The following SEL1L2 variants were observed in gnomAD, a reference collection of about 807,000 sequenced individuals.
SEL1L2 encodes SEL1L2 adaptor subunit of SYVN1 ubiquitin ligase, also known as protein sel-1 homolog 2.
In SEL1L2, 89 loss-of-function variants were observed where a neutral mutation model predicts 98.8. The ratio of observed to expected loss-of-function variants is 0.90; its 90% CI spans 0.76 to 1.07. The LOEUF (loss-of-function observed/expected upper bound fraction) is 1.07, where lower values mean the gene tolerates loss of function less well. Ranked by LOEUF, SEL1L2 falls within the 50% of genes least tolerant of loss-of-function variation. SEL1L2 has a pLI of 0.00. For missense variants in SEL1L2, 788 were observed against 812.0 expected (o/e 0.97, Z 0.36); for synonymous variants, 262 against 278.5 (o/e 0.94, Z 0.59).
rs750560742 is a variant in SEL1L2, at chr20:13,931,655, T to C, written c.231A>G (p.Ile77Met). 5 of 1,504,900 alleles carry C rather than the reference T, an allele frequency of 3.3e-6. No homozygotes were observed. In the African/African-American group the frequency reaches 7.0e-5, roughly 21 times the overall value. 93.2% of individuals were successfully genotyped at this position (1,504,900 alleles called of 1,614,324 possible). ...LLEKKKNQRK[I>M]RIKGIQNKDI... The stretch of plus-strand genomic sequence containing the variant: ...CTTTATTTTGAATTCCTTTTATTCT[T>C]ATTTTACGTTGATTCTTCTTTTTCT... The change falls in exon 3 of 20, where the codon ATA becomes ATG. Residue 77 changes from isoleucine to methionine, a missense_variant. By Grantham distance (10) the Ile-to-Met change is conservative. Transcript: ENST00000284951.
At chr20:13,968,602 A>G (rs1245075361) in intron 1 of SEL1L2, among the ~76,000 whole-genome samples, 1 of 152,196 alleles carries the variant, frequency 6.6e-6, no homozygotes, top group Non-Finnish European at 1.5e-5. Context: ...ATTGCTTCAG[A>G]AAAAAATAAT....
At chr20:13,850,634 C>G (rs1181233539) in intron 18 of SEL1L2, among the ~76,000 whole-genome samples, 1 of 152,154 alleles carries the variant, frequency 6.6e-6, no homozygotes, top group Admixed American at 6.6e-5. Flanking sequence ...AAACAAGAAC[C>G]TTGGTCCTAC....
chr20:13,974,146 G>T (rs2051415411), intron 1 of SEL1L2, among the ~76,000 whole-genome samples: 2 of 152,142 alleles, frequency 1.3e-5, no homozygotes, highest in Non-Finnish European at 2.9e-5. Flanking sequence ...TTGATGTTCA[G>T]GTGCAGGGCT....
At chr20:13,850,382 G>T (rs1479399040) in intron 18 of SEL1L2, 63 bp from the exon 19 acceptor site, 1 of 1,552,706 alleles carries the variant, frequency 6.4e-7, no homozygotes, top group Non-Finnish European at 8.9e-7. Flanking sequence ...AGACACCATT[G>T]TTCACAATAT....
chr20:13,950,579 A>G (rs2050215480), intron 2 of SEL1L2, among the ~76,000 whole-genome samples: 2 of 152,168 alleles, frequency 1.3e-5, no homozygotes. Context: ...GATACCTGAA[A>G]TTTTCATCTG....
At chr20:13,938,181 A>G (rs1346505356) in intron 2 of SEL1L2, among the ~76,000 whole-genome samples, 15 of 151,640 alleles carry the variant, frequency 9.9e-5, no homozygotes, top group African/African-American at 3.6e-4. Flanking sequence ...CCTGGGTTCA[A>G]GCGATTCTCT....
intron 4 of SEL1L2, among the ~76,000 whole-genome samples, chr20:13,914,277 C>A (rs1488420863): frequency 4.6e-5 from 7 of 152,074 alleles, no homozygotes; most frequent in Non-Finnish European, 1.0e-4. Flanking sequence ...AATTGAGGAA[C>A]TTTTTCTAAA....
rs938755553 is a variant in SEL1L2, at chr20:13,889,715, C to A, written c.550-1203G>T. On this transcript the variant is annotated intron_variant, in intron 5 of 19. Coordinates refer to ENST00000284951, the MANE Select transcript of SEL1L2 (RefSeq NM_025229.2). ...CTGAGGCAGGAGAATGGTGTGAACC[C>A]GGGAGGCGGAGCTTGCAGTGCACCA... Among the ~76,000 whole-genome samples the A allele has an allele frequency of 3.9e-5, 6 of 152,102 alleles. No homozygotes were observed. In the South Asian group the frequency reaches 6.2e-4, roughly 16 times the overall value.
intron 1 of SEL1L2, among the ~76,000 whole-genome samples, chr20:13,960,485 C>T (rs1229415851): frequency 6.6e-6 from 1 of 152,156 alleles, no homozygotes; most frequent in African/African-American, 2.4e-5. Flanking sequence ...AGCAATTGTT[C>T]ATTATTTCCA....
chr20:13,912,598 A>C (rs114985882), intron 5 of SEL1L2, among the ~76,000 whole-genome samples: 2,139 of 152,112 alleles, frequency 0.014, 50 homozygotes, highest in African/African-American at 0.049. Context: ...CACCTGGCCC[A>C]ATTTTTTCTG....
chr20:13,874,518 T>A (rs1408628061), intron 12 of SEL1L2, among the ~76,000 whole-genome samples: 2 of 152,196 alleles, frequency 1.3e-5, no homozygotes, highest in African/African-American at 4.8e-5. Context: ...TAATTTACAT[T>A]CCCATCTCCC....
intron 18 of SEL1L2, among the ~76,000 whole-genome samples, chr20:13,853,580 A>T (rs1190216185): frequency 6.6e-6 from 1 of 152,230 alleles, no homozygotes; most frequent in Non-Finnish European, 1.5e-5. Context: ...TTAAATACTT[A>T]CTGTGTGCCA....
intron 2 of SEL1L2, among the ~76,000 whole-genome samples, chr20:13,950,999 G>A (rs191173198): frequency 7.1e-4 from 108 of 152,148 alleles, no homozygotes; most frequent in Non-Finnish European, 1.4e-3. Flanking sequence ...ATTAGAGGCC[G>A]GGCGCGGTGG....
intron 3 of SEL1L2, among the ~76,000 whole-genome samples, chr20:13,927,279 T>A (rs1430774346): frequency 2.0e-5 from 3 of 152,230 alleles, no homozygotes; most frequent in Non-Finnish European, 4.4e-5. Context: ...CTAGTTTACA[T>A]CCTAGCTCTC....
chr20:13,965,144 C>A (rs2050981613), intron 1 of SEL1L2, among the ~76,000 whole-genome samples: 1 of 120,668 alleles, frequency 8.3e-6, no homozygotes, highest in Non-Finnish European at 1.8e-5. Flanking sequence ...ATACTGATTC[C>A]CACATAGGCT....
intron 5 of SEL1L2, among the ~76,000 whole-genome samples, chr20:13,903,003 A>C (rs1432139370): frequency 6.6e-6 from 1 of 151,542 alleles, no homozygotes; most frequent in African/African-American, 2.4e-5. Flanking sequence ...CTGTAGTCCC[A>C]GCTGCTTGGG....
intron 5 of SEL1L2, among the ~76,000 whole-genome samples, chr20:13,899,242 G>A (rs938648027): frequency 2.0e-5 from 3 of 151,832 alleles, no homozygotes; most frequent in Non-Finnish European, 4.4e-5. Flanking sequence ...AATGAATTGT[G>A]GTCATGGCAT....
At chr20:13,884,502 TTA>T (rs1322739763) in intron 10 of SEL1L2, among the ~76,000 whole-genome samples, 1 of 151,528 alleles carries the variant, frequency 6.6e-6, no homozygotes, top group African/African-American at 2.4e-5. Flanking sequence ...ATTAACTTAT[TTA>T]TTTTTTTTAT....
intron 5 of SEL1L2, among the ~76,000 whole-genome samples, chr20:13,893,034 AGAAATT>A (rs2047270839): frequency 6.6e-6 from 1 of 152,238 alleles, no homozygotes; most frequent in African/African-American, 2.4e-5. Context: ...AACTGCAGCT[AGAAATT>A]CTTCAATTGA....
Sources: gnomAD v4.1 joint callset for allele counts (sites outside exome capture counted in the v4.1 genomes callset) on GRCh38, gnomAD v4.1.1 for gene constraint, MANE v1.5 for transcripts, NCBI Gene and HGNC (gene_info 2026-07-23, HGNC 2026-07-21) for gene names.